GMPS: variants seen among roughly 807,000 people sequenced by gnomAD.
The protein encoded by GMPS is GMP synthase [glutamine-hydrolyzing].
A neutral mutation model predicts 77.9 loss-of-function variants in GMPS; 15 were observed. That is an observed-to-expected ratio of 0.19 (90% CI 0.13 to 0.30). The LOEUF is 0.30. Ranked by LOEUF, GMPS falls within the 10% of genes least tolerant of loss-of-function variation. The pLI is 1.00. For missense variants in GMPS, 590 were observed against 838.8 expected, an observed-to-expected ratio of 0.70 and a Z score of 3.66; for synonymous variants, 224 against 275.9, an observed-to-expected ratio of 0.81 and a Z score of 1.86.
intron 1 of GMPS, among the ~76,000 whole-genome samples, chr3:155,872,623 C>G (rs551282467): frequency 6.6e-6 from 1 of 152,200 alleles, no homozygotes; most frequent in South Asian, 2.1e-4. Context: ...GAGGATTTTT[C>G]TTTTTCCTAA....
chr3:155,932,881 A>G (rs1263657517), intron 13 of GMPS, among the ~76,000 whole-genome samples: 1 of 152,190 alleles, frequency 6.6e-6, no homozygotes, highest in South Asian at 2.1e-4. Flanking sequence ...ATGCTGAAAA[A>G]TAGAATTATT....
intron 1 of GMPS, among the ~76,000 whole-genome samples, chr3:155,889,243 C>T (rs1215226894): frequency 6.6e-6 from 1 of 152,178 alleles, no homozygotes; most frequent in Non-Finnish European, 1.5e-5. Context: ...TCTGTTCCTT[C>T]TCCCTTTTTC....
intron 1 of GMPS, among the ~76,000 whole-genome samples, chr3:155,881,431 C>G (rs1368124032): frequency 1.3e-5 from 2 of 152,094 alleles, no homozygotes; most frequent in Non-Finnish European, 2.9e-5. Context: ...CTTGGCTTCC[C>G]AAAGTGCTGG....
At chr3:155,913,300 T>TA (rs1755086546) in intron 7 of GMPS, among the ~76,000 whole-genome samples, 1 of 152,168 alleles carries the variant, frequency 6.6e-6, no homozygotes, top group Non-Finnish European at 1.5e-5. Context: ...TATTAGCAAA[T>TA]AGAGATCTTA....
At chr3:155,907,555 C>T (rs1054745574) in intron 5 of GMPS, among the ~76,000 whole-genome samples, 7 of 152,162 alleles carry the variant, frequency 4.6e-5, no homozygotes, top group Non-Finnish European at 2.9e-5. Flanking sequence ...TGCCCCTACA[C>T]TCCATCCTGG....
In GMPS at chr3:155,916,168, G is replaced by A; in HGVS notation, c.1188G>A (p.Glu396=). Residue 396 remains glutamate (E), a synonymous_variant, in exon 9 of 16, where the codon GAG becomes GAA. Transcript: ENST00000496455. The part of the protein sequence containing the change: ...ELIKTHHNDT[E]LIRKLREEGK... ...TCAAAACCCATCACAATGACACAGA[G>A]CTCATCAGAAAGTTGAGAGAGGAGG... is the stretch of plus-strand genomic sequence containing the variant. The A allele has an allele frequency of 1.2e-6, 2 of 1,610,646 alleles. 1 individual carries two copies. Among genetic ancestry groups the A allele is most frequent in the Admixed American group, 3.4e-5 (2 of 59,264 alleles).
At chr3:155,912,607 A>G (rs1051104325) in intron 7 of GMPS, among the ~76,000 whole-genome samples, 2 of 152,198 alleles carry the variant, frequency 1.3e-5, no homozygotes, top group South Asian at 2.1e-4. Flanking sequence ...GTGATTTGCA[A>G]TTATTTCTGT....
At chr3:155,932,945 A>G (rs1374135508) in intron 13 of GMPS, among the ~76,000 whole-genome samples, 1 of 152,150 alleles carries the variant, frequency 6.6e-6, no homozygotes, top group East Asian at 1.9e-4. Context: ...TAATCCCACC[A>G]CTTTGAGAGG....
intron 1 of GMPS, among the ~76,000 whole-genome samples, chr3:155,883,536 T>C (rs1754258041): frequency 6.6e-6 from 1 of 152,322 alleles, no homozygotes; most frequent in East Asian, 1.9e-4. Flanking sequence ...TCTCGTATTT[T>C]AAGGTCATCT....
rs188419542 is a variant in GMPS at position 155,891,361 on chromosome 3, A to C, written c.28-2157A>C. On this transcript the variant is annotated intron_variant, in intron 1 of 15. Coordinates refer to ENST00000496455, the MANE Select transcript of GMPS (RefSeq NM_003875.3). ...TGTAGTGTTTAAAAATATTTTTTAA[A>C]AAGTTAAGATTAAGGAATTATAGAG... Among the ~76,000 whole-genome samples the C allele has an allele frequency of 1.4e-4, 22 of 152,332 alleles. No individual in the cohort carries two copies. In the East Asian group the frequency reaches 4.2e-3, roughly 29 times the overall value.
intron 1 of GMPS, among the ~76,000 whole-genome samples, chr3:155,882,184 A>G (rs1435506292): frequency 1.3e-5 from 2 of 152,252 alleles, no homozygotes; most frequent in Non-Finnish European, 2.9e-5. Flanking sequence ...GTGAGGAAGT[A>G]TGTTCTATCT....
intron 1 of GMPS, among the ~76,000 whole-genome samples, chr3:155,874,020 T>C (rs1268522074): frequency 6.6e-6 from 1 of 152,188 alleles, no homozygotes; most frequent in Non-Finnish European, 1.5e-5. Flanking sequence ...ATGTAGTCTT[T>C]TATCCCTCAC....
intron 1 of GMPS, among the ~76,000 whole-genome samples, chr3:155,888,311 G>T (rs1754385893): frequency 6.7e-6 from 1 of 149,784 alleles, no homozygotes; most frequent in African/African-American, 2.5e-5. Flanking sequence ...CTCTTGCCTT[G>T]TGTAATTTTA....
chr3:155,893,709 T>C lies in GMPS; in HGVS notation c.209+10T>C. On this transcript the variant is annotated intron_variant, in intron 2 of 15. Transcript: ENST00000496455. The stretch of plus-strand genomic sequence containing the variant: ...AGGAACAAGGATTCCGGTAGACTTT[T>C]CACTAATCTTTTCATGAGGAGATTG... 3 of 1,515,626 alleles carry C rather than the reference T, an allele frequency of 2.0e-6. No individual in the cohort carries two copies. In the South Asian group the frequency reaches 3.5e-5, roughly 18 times the overall value. 93.9% of individuals were successfully genotyped at this position (1,515,626 alleles called of 1,614,324 possible).
intron 1 of GMPS, among the ~76,000 whole-genome samples, chr3:155,891,604 CTTTT>C (rs35759331): frequency 7.8e-6 from 1 of 127,890 alleles, no homozygotes; most frequent in African/African-American, 2.9e-5. Flanking sequence ...TTGTTTGTTA[CTTTT>C]TTTTTTTTTT....
Position 155,941,113 on chromosome 3 carries a change from G to A in GMPS, c.*3421G>A, listed in dbSNP as rs977068447. The A allele has an allele frequency of 4.9e-5, 9 of 183,726 alleles. No individual in the cohort carries two copies. Among genetic ancestry groups the A allele is most frequent in the African/African-American group, 1.9e-4 (8 of 42,526 alleles). The allele number at this position is 183,726 out of a possible 1,614,324, so 11.4% of individuals were successfully genotyped here. On this transcript the variant is annotated 3_prime_UTR_variant, in exon 16 of 16. Transcript: ENST00000496455. The stretch of plus-strand genomic sequence containing the variant: ...GGGCCCTTCAGGGCAAATCTTAAAA[G>A]GAAGTTCTTGGCCGGGCGCGGTGGC...
At chr3:155,937,232 G>A (rs1755785904) in intron 15 of GMPS, among the ~76,000 whole-genome samples, 1 of 152,222 alleles carries the variant, frequency 6.6e-6, no homozygotes, top group Non-Finnish European at 1.5e-5. Flanking sequence ...AATTTGCAGA[G>A]CATTGGCTGA....
intron 1 of GMPS, among the ~76,000 whole-genome samples, chr3:155,886,679 G>A (rs1199746744): frequency 1.6e-5 from 2 of 127,324 alleles, no homozygotes; most frequent in Non-Finnish European, 3.1e-5. Flanking sequence ...GGAGTGCAGT[G>A]ATGTGATCTC....
intron 2 of GMPS, 61 bp from the exon 3 acceptor site, chr3:155,897,865 AG>A (rs1307335455): frequency 9.5e-6 from 8 of 837,728 alleles, no homozygotes; most frequent in Non-Finnish European, 1.7e-5. Flanking sequence ...CAAGGGAGAG[AG>A]GGCATAGACC....
Sources: allele counts gnomAD v4.1 joint callset (sites outside exome capture counted in the v4.1 genomes callset), GRCh38; gene constraint gnomAD v4.1.1; transcripts MANE v1.5; gene names NCBI Gene and HGNC (gene_info 2026-07-23, HGNC 2026-07-21).